The following ESCO2 variants were observed in gnomAD, a reference collection of about 807,000 sequenced individuals.
ESCO2 encodes N-acetyltransferase ESCO2.
ESCO2 carries 51 observed loss-of-function variants against 61.7 expected under a neutral mutation model. The observed-to-expected ratio is 0.83, with a 90% CI of 0.66 to 1.04. ESCO2 has a LOEUF of 1.04. Among genes scored for constraint, ESCO2 ranks in the 50% least tolerant of loss-of-function variants. The pLI, the probability that ESCO2 is intolerant of heterozygous loss-of-function variation, is 0.00. For missense variants in ESCO2, 692 were observed against 686.2 expected, an observed-to-expected ratio of 1.01 and a Z score of -0.09; for synonymous variants, 230 against 238.2, an observed-to-expected ratio of 0.97 and a Z score of 0.32.
At chr8:27,813,413 TAACA>T (rs574319785), downstream of ESCO2, among the ~76,000 whole-genome samples, 2 of 152,208 alleles carry the variant, frequency 1.3e-5, no homozygotes, top group Non-Finnish European at 2.9e-5. Flanking sequence ...TATACCTATG[TAACA>T]AACCTGCACA....
chr8:27,804,213 A>T lies in ESCO2; in HGVS notation c.*775A>T. On this transcript the variant is annotated 3_prime_UTR_variant, in exon 11 of 11. Coordinates refer to ENST00000305188, the MANE Select transcript of ESCO2 (RefSeq NM_001017420.3). ...TAGTGTTCAATCTTTTTGAAAATAA[A>T]TGTTTACCTGTCATCAGATTTAATT... The T allele has an allele frequency of 1.0e-6, 1 of 985,204 alleles. No individual in the cohort carries two copies. Among genetic ancestry groups the T allele is most frequent in the Non-Finnish European group, 1.2e-6 (1 of 829,724 alleles). The allele number at this position is 985,204 out of a possible 1,614,324, so 61.0% of individuals were successfully genotyped here.
chr8:27,792,829 T>C lies in ESCO2; in HGVS notation c.1497+18T>C, dbSNP rs1308753331. ...TCAAACAGGTATGGTATATTTGTTT[T>C]AAATTATTGGCATAATTTGCAGGCA... On this transcript the variant is annotated intron_variant, in intron 9 of 10. Coordinates refer to ENST00000305188, the MANE Select transcript of ESCO2 (RefSeq NM_001017420.3). 3 of 1,552,634 alleles carry C rather than the reference T, an allele frequency of 1.9e-6. No homozygotes were observed. The Admixed American group carries it at 6.2e-5, about 32-fold the overall frequency.
intron 3 of ESCO2, chr8:27,777,911 A>C (rs1171061305): frequency 6.6e-6 from 1 of 152,112 alleles, no homozygotes; most frequent in Admixed American, 6.6e-5. Context: ...ACCTCTCATC[A>C]TTGCCTTCCT....
At position 27,804,385 on chromosome 8, in the gene ESCO2, T is replaced by C; in HGVS notation, c.*947T>C. 1 of 985,450 alleles carries C rather than the reference T, an allele frequency of 1.0e-6. No individual in the cohort carries two copies. Among genetic ancestry groups the C allele is most frequent in the Non-Finnish European group, 1.2e-6 (1 of 829,934 alleles). The allele number at this position is 985,450 out of a possible 1,614,324, so 61.0% of individuals were successfully genotyped here. A position where few individuals can be genotyped will look rare whatever the true frequency, so the allele number is the denominator to read the frequency against. On this transcript the variant is annotated 3_prime_UTR_variant, in exon 11 of 11. Transcript: ENST00000305188. ...TTAGATGTTTTCATTTTCTAATTTT[T>C]TGCTTGTTTAAAATGCACCTTACTT...
Position 27,804,286 on chromosome 8 carries a change from A to G in ESCO2, c.*848A>G. ...CTATTACTTAGTTAATTTTTGTTGT[A>G]TGGAAATATTGGTAGTACTACTTTG... On this transcript the variant is annotated 3_prime_UTR_variant, in exon 11 of 11. Coordinates refer to ENST00000305188, the MANE Select transcript of ESCO2 (RefSeq NM_001017420.3). 1 of 985,388 alleles carries G rather than the reference A, an allele frequency of 1.0e-6. No individual in the cohort carries two copies. Among genetic ancestry groups the G allele is most frequent in the Non-Finnish European group, 1.2e-6 (1 of 829,884 alleles). 61.0% of individuals were successfully genotyped at this position (985,388 alleles called of 1,614,324 possible).
Position 27,776,657 on chromosome 8 carries a change from A to T in ESCO2, c.349A>T (p.Lys117Ter). ...STCLKTNDED[K>*]SFPIVTEKMQ... ...TTGTCTAAAAACTAATGATGAAGAT[A>T]AATCTTTTCCCATTGTGACAGAAAA... The change falls in exon 3 of 11, where the codon AAA (lysine) becomes TAA (stop). Residue 117 changes from lysine (K) to a stop codon, truncating the protein, a stop_gained. Transcript: ENST00000305188. LOFTEE classifies it high-confidence loss of function. The T allele has an allele frequency of 6.2e-7, 1 of 1,613,934 alleles. No homozygotes were observed. Among genetic ancestry groups the T allele is most frequent in the Non-Finnish European group, 8.5e-7 (1 of 1,180,010 alleles).
At chr8:27,772,799 T>G (rs373886892), upstream of ESCO2, 28 of 547,046 alleles carry the variant, frequency 5.1e-5, no homozygotes, top group East Asian at 3.3e-4. Flanking sequence ...TTAGTTAACC[T>G]GTCTGTGCTT....
downstream of ESCO2, among the ~76,000 whole-genome samples, chr8:27,813,234 C>T (rs1805731841): frequency 1.3e-5 from 2 of 152,124 alleles, no homozygotes; most frequent in Admixed American, 6.5e-5. Flanking sequence ...AACCAAACAC[C>T]ACATGTCCTG....
rs1048397323 is a variant in ESCO2, at chr8:27,795,148, A to T, written c.1497+2337A>T. 2.6e-5 allele frequency among the ~76,000 whole-genome samples: 4 copies of T among 152,226 alleles called. No individual in the cohort carries two copies. In the East Asian group the frequency reaches 7.7e-4, roughly 29 times the overall value. ...TTAACGATATTAATTCTTTCAAGCC[A>T]TGAACACTGGATATCCTTCCATTTA... On this transcript the variant is annotated intron_variant, in intron 9 of 10. Transcript: ENST00000305188.
chr8:27,780,858 C>T (rs1022837206), intron 4 of ESCO2, among the ~76,000 whole-genome samples: 10 of 151,716 alleles, frequency 6.6e-5, no homozygotes, highest in Non-Finnish European at 1.3e-4. Context: ...ATACATAAAG[C>T]TTTTTTTTAT....
intron 7 of ESCO2, among the ~76,000 whole-genome samples, chr8:27,790,970 A>T (rs960506757): frequency 1.3e-5 from 2 of 152,192 alleles, no homozygotes; most frequent in African/African-American, 4.8e-5. Flanking sequence ...TCTGTAAAAA[A>T]TGTCTTGACT....
Position 27,803,542 on chromosome 8 carries a change from A to G in ESCO2, c.*104A>G. 7.0e-7 allele frequency: 1 copy of G among 1,430,432 alleles called. No homozygotes were observed. Among genetic ancestry groups the G allele is most frequent in the Admixed American group, 2.4e-5 (1 of 40,952 alleles). 88.6% of individuals were successfully genotyped at this position (1,430,432 alleles called of 1,614,324 possible). A position where few individuals can be genotyped will look rare whatever the true frequency, so the allele number is the denominator to read the frequency against. Reference sequence around the variant, plus strand: ...ATCAAAATAAAAAATACCGAGACTCACACTCATACACACACACACACACAC... The same window carrying G: ...ATCAAAATAAAAAATACCGAGACTCGCACTCATACACACACACACACACAC... On this transcript the variant is annotated 3_prime_UTR_variant, in exon 11 of 11. Transcript: ENST00000305188.
chr8:27,777,051 C>T lies in ESCO2; in HGVS notation c.743C>T (p.Thr248Ile). The T allele has an allele frequency of 6.2e-7, 1 of 1,608,484 alleles. No homozygotes were observed. Among genetic ancestry groups the T allele is most frequent in the East Asian group, 2.2e-5 (1 of 44,850 alleles). The change falls in exon 3 of 11, where the codon ACT (threonine) becomes ATT (isoleucine). Residue 248 changes from threonine (T) to isoleucine (I), a missense_variant. Physicochemically the swap from Thr to Ile is moderately conservative, Grantham distance 89 (BLOSUM62 -1). Coordinates refer to ENST00000305188, the MANE Select transcript of ESCO2 (RefSeq NM_001017420.3). ...GTCATTGAAGATTCTGATGTAGAGACTGTCAGTGAAAAAAAAACTTTTGCG... is the reference window on the plus strand; with the variant it reads ...GTCATTGAAGATTCTGATGTAGAGATTGTCAGTGAAAAAAAAACTTTTGCG... ...SEVIEDSDVETVSEKKTFATR... is the reference protein window; with the variant it reads ...SEVIEDSDVEIVSEKKTFATR...
downstream of ESCO2, chr8:27,811,286 AT>A: frequency 1.5e-6 from 1 of 658,682 alleles, no homozygotes; most frequent in South Asian, 1.8e-5. Flanking sequence ...CTCAATAAGG[AT>A]TACTTTCTAC....
chr8:27,781,402 CTCTTT>C (rs1428333469), intron 4 of ESCO2, among the ~76,000 whole-genome samples: 21 of 152,250 alleles, frequency 1.4e-4, no homozygotes, highest in Non-Finnish European at 2.1e-4. Context: ...TTTAACTTTG[CTCTTT>C]TCTTTTAATA....
intron 7 of ESCO2, among the ~76,000 whole-genome samples, chr8:27,789,292 A>G (rs559520403): frequency 1.3e-5 from 2 of 152,250 alleles, no homozygotes; most frequent in South Asian, 4.1e-4. Flanking sequence ...GGTCCCACCC[A>G]TTTATTAAAC....
intron 4 of ESCO2, 115 bp from the exon 5 acceptor site, chr8:27,783,885 C>G: frequency 1.0e-6 from 1 of 1,001,626 alleles, no homozygotes; most frequent in Non-Finnish European, 1.6e-6. Flanking sequence ...ACCTTTGCCT[C>G]TTTGTTAAAT....
chr8:27,785,699 CAAA>C (rs567532485), intron 5 of ESCO2, among the ~76,000 whole-genome samples: 8 of 98,638 alleles, frequency 8.1e-5, no homozygotes, highest in African/African-American at 1.1e-4. Context: ...GATTCCATCT[CAAA>C]AAAAAAAAAA....
chr8:27,791,004 A>G (rs965256561), intron 7 of ESCO2, among the ~76,000 whole-genome samples: 2 of 152,170 alleles, frequency 1.3e-5, no homozygotes, highest in East Asian at 1.9e-4. Context: ...TACTCTTTCA[A>G]TTAAAAAGCC....
Sources: allele counts gnomAD v4.1 joint callset (sites outside exome capture counted in the v4.1 genomes callset), GRCh38; gene constraint gnomAD v4.1.1; transcripts MANE v1.5; gene names NCBI Gene and HGNC (gene_info 2026-07-23, HGNC 2026-07-21).